FXYD3: variants seen among roughly 807,000 people sequenced by gnomAD.
FXYD3 encodes the protein FXYD domain-containing ion transport regulator 3.
In FXYD3, 13 loss-of-function variants were observed where a neutral mutation model predicts 19.2. The ratio of observed to expected loss-of-function variants is 0.68; its 90% CI spans 0.44 to 1.08. The LOEUF (loss-of-function observed/expected upper bound fraction) is 1.08, where lower values mean the gene tolerates loss of function less well. Ranked by LOEUF, FXYD3 falls within the 50% of genes least tolerant of loss-of-function variation. The probability of loss-of-function intolerance (pLI) is 0.00; values close to 1 mark genes in which losing one functional copy is unlikely to be tolerated. For missense variants in FXYD3, 101 were observed against 109.4 expected, an observed-to-expected ratio of 0.92 and a Z score of 0.34; for synonymous variants, 48 against 38.9, an observed-to-expected ratio of 1.23 and a Z score of -0.87.
intron 2 of FXYD3, among the ~76,000 whole-genome samples, chr19:35,118,936 A>T (rs2064967701): frequency 1.3e-5 from 2 of 152,164 alleles, no homozygotes. Context: ...CGCTTCCCCA[A>T]ACACCCCAAG....
chr19:35,122,600 T>C lies in FXYD3; in HGVS notation c.98-165T>C. 6 of 626,490 alleles carry C rather than the reference T, an allele frequency of 9.6e-6. No homozygotes were observed. The South Asian group carries it at 1.1e-4, about 12-fold the overall frequency. 38.8% of individuals were successfully genotyped at this position (626,490 alleles called of 1,614,324 possible). On this transcript the variant is annotated intron_variant, in intron 5 of 8. Transcript: ENST00000604404. ...CTGCACGACAGATCGTGTTTGCTGG[T>C]GTGTGAACCAGAATGTGAGCACCTG...
chr19:35,120,296 T>C (rs1239556568), intron 3 of FXYD3, among the ~76,000 whole-genome samples: 2 of 152,152 alleles, frequency 1.3e-5, no homozygotes, highest in Non-Finnish European at 2.9e-5. Flanking sequence ...TGTGCTGCCA[T>C]GCCTGGCTAA....
At position 35,116,938 on chromosome 19, in the gene FXYD3, C is replaced by A. The variant is rs879672589; in HGVS notation, c.-15+579C>A. ...CTTGGGAGATTTCAGGAGCACACAG[C>A]GGGCAGGATCTTTCTACCCACCCCT... On this transcript the variant is annotated intron_variant, in intron 2 of 8. Coordinates refer to ENST00000604404, the MANE Select transcript of FXYD3 (RefSeq NM_005971.4). The A allele has an allele frequency of 1.3e-5, 13 of 984,928 alleles. No homozygotes were observed. In the African/African-American group the frequency reaches 2.1e-4, roughly 16 times the overall value. 61.0% of individuals were successfully genotyped at this position (984,928 alleles called of 1,614,324 possible). A position where few individuals can be genotyped will look rare whatever the true frequency, so the allele number is the denominator to read the frequency against.
At position 35,123,976 on chromosome 19, in the gene FXYD3, G is replaced by A. The variant is rs941591329; in HGVS notation, c.*519G>A. On this transcript the variant is annotated 3_prime_UTR_variant, in exon 9 of 9. Coordinates refer to ENST00000604404, the MANE Select transcript of FXYD3 (RefSeq NM_005971.4). ...CTGGGACATAGGATCGTCCCGCTAT[G>A]ATGGAAGTGTTCAGACAGTTTATAA... The A allele has an allele frequency of 5.9e-6, 1 of 168,454 alleles. No individual in the cohort carries two copies. Among genetic ancestry groups the A allele is most frequent in the African/African-American group, 2.4e-5 (1 of 41,874 alleles). 10.4% of individuals were successfully genotyped at this position (168,454 alleles called of 1,614,324 possible).
chr19:35,123,495 C>A lies in FXYD3; in HGVS notation c.*38C>A. ...AGCTGAAATTGGGTGGAGGACCGTT[C>A]TCTGTCCCCAGGTCCTGTCTCTGCA... On this transcript the variant is annotated 3_prime_UTR_variant, in exon 9 of 9. Transcript: ENST00000604404. 1 of 1,611,586 alleles carries A rather than the reference C, an allele frequency of 6.2e-7. No individual in the cohort carries two copies. Among genetic ancestry groups the A allele is most frequent in the Non-Finnish European group, 8.5e-7 (1 of 1,177,676 alleles).
rs558437622 is a variant in FXYD3, at chr19:35,117,666, C to T, written c.-15+1307C>T. 1.2e-3 allele frequency among the ~76,000 whole-genome samples: 187 copies of T among 150,014 alleles called. 2 individuals carry two copies. The highest frequency in any genetic ancestry group is 3.9e-3 in the African/African-American group (160 of 40,840). On this transcript the variant is annotated intron_variant, in intron 2 of 8. Transcript: ENST00000604404. ...ACATGCCATCCTGCCCACCCACCCA[C>T]GCCAGCTCCCCCAACCCCCAACACT...
At chr19:35,119,908 G>A (rs141045432) in intron 3 of FXYD3, 6 of 162,084 alleles carry the variant, frequency 3.7e-5, no homozygotes, top group Non-Finnish European at 8.0e-5. Context: ...GGCTGAGTTT[G>A]ATCCTCCCAC....
In FXYD3 at chr19:35,123,642, T is replaced by C; in HGVS notation, c.*185T>C. The C allele has an allele frequency of 1.6e-6, 1 of 643,548 alleles. No homozygotes were observed. Among genetic ancestry groups the C allele is most frequent in the Non-Finnish European group, 2.7e-6 (1 of 369,684 alleles). The allele number at this position is 643,548 out of a possible 1,614,324, so 39.9% of individuals were successfully genotyped here. A position where few individuals can be genotyped will look rare whatever the true frequency, so the allele number is the denominator to read the frequency against. On this transcript the variant is annotated 3_prime_UTR_variant, in exon 9 of 9. Transcript: ENST00000604404. ...TTCAATTTTTTTTAATCTAAAATGA[T>C]TGTGCCTCTGCCCAAGCAGCCTGGA...
intron 5 of FXYD3, chr19:35,121,532 G>C: frequency 7.1e-7 from 1 of 1,415,224 alleles, no homozygotes; most frequent in East Asian, 2.6e-5. Flanking sequence ...GTGTTGACTT[G>C]AGAAAACTTC....
chr19:35,123,214 C>A (rs2065088351), intron 7 of FXYD3, 57 bp from the exon 8 acceptor site: 1 of 1,542,248 alleles, frequency 6.5e-7, no homozygotes, highest in Non-Finnish European at 8.7e-7. Flanking sequence ...AACCCTCTAT[C>A]CGGAGGGAGA....
intron 3 of FXYD3, chr19:35,119,668 T>C (rs1195346274): frequency 9.1e-6 from 4 of 439,640 alleles, no homozygotes; most frequent in Non-Finnish European, 1.2e-5. Flanking sequence ...TTTTTGTTTT[T>C]GTTTTTGTTT....
intron 2 of FXYD3, 49 bp from the exon 3 acceptor site, chr19:35,119,314 C>CCTG: frequency 6.2e-7 from 1 of 1,609,402 alleles, no homozygotes; most frequent in Non-Finnish European, 8.5e-7. Context: ...GGCACAGGGC[C>CCTG]AGCCTCCCGG....
rs751966616 is a variant in FXYD3, at chr19:35,119,350, G to T, written c.-14-13G>T. The stretch of plus-strand genomic sequence containing the variant: ...TGGCTCTGCTAAGGCCAGACCTCCC[G>T]CCACCCCTCTAGGCCAGCGCTCTGA... On this transcript the variant is annotated splice_polypyrimidine_tract_variant and intron_variant, in intron 2 of 8. Transcript: ENST00000604404. The T allele has an allele frequency of 5.0e-6, 8 of 1,613,972 alleles. No homozygotes were observed. The highest frequency in any genetic ancestry group is 5.1e-6 in the Non-Finnish European group (6 of 1,179,870).
rs73927930 is a variant in FXYD3, at chr19:35,123,562, G to A, written c.*105G>A. 4,672 of 1,226,906 alleles carry A rather than the reference G, an allele frequency of 3.8e-3. 133 individuals are homozygous for A. The African/African-American group carries it at 0.062, about 16-fold the overall frequency. The allele number at this position is 1,226,906 out of a possible 1,614,324, so 76.0% of individuals were successfully genotyped here. A position where few individuals can be genotyped will look rare whatever the true frequency, so the allele number is the denominator to read the frequency against. On this transcript the variant is annotated 3_prime_UTR_variant, in exon 9 of 9. Coordinates refer to ENST00000604404, the MANE Select transcript of FXYD3 (RefSeq NM_005971.4). ...AGGATGGAATTCTTCCTCCTCTGCT[G>A]GGACTCCTTTGCATGGCAGGGCCTC...
chr19:35,123,447 C>A lies in FXYD3; in HGVS notation c.254C>A (p.Ala85Asp), dbSNP rs763479134. ...ETPPLITPGS[A>D]QS The stretch of plus-strand genomic sequence containing the variant: ...ACCCCATCACTTCCCGCAGGCTCAG[C>A]CCAAAGCTGATGAGGACAGACCAGC... Residue 85 changes from alanine (A) to aspartate (D), a missense_variant, in exon 9 of 9, where the codon GCC becomes GAC. Physicochemically the swap from Ala to Asp is moderately radical, Grantham distance 126 (BLOSUM62 -2). Transcript: ENST00000604404. 2 of 1,614,112 alleles carry A rather than the reference C, an allele frequency of 1.2e-6. No homozygotes were observed. Among genetic ancestry groups the A allele is most frequent in the South Asian group, 2.2e-5 (2 of 91,078 alleles).
At position 35,116,247 on chromosome 19, in the gene FXYD3, G is replaced by GT; in HGVS notation, c.-110-13dup. Reference sequence around the variant, plus strand: ...CCCTGGGCCTCAGGGCATCTGACTTGTTTTCTACCTGCCCAGGTTTGCTTA... The same window carrying GT: ...CCCTGGGCCTCAGGGCATCTGACTTGTTTTTCTACCTGCCCAGGTTTGCTTA... On this transcript the variant is annotated splice_polypyrimidine_tract_variant and intron_variant, in intron 1 of 8. Transcript: ENST00000604404. 5 of 985,430 alleles carry GT rather than the reference G, an allele frequency of 5.1e-6. No individual in the cohort carries two copies. Among genetic ancestry groups the GT allele is most frequent in the Non-Finnish European group, 6.0e-6 (5 of 829,944 alleles). The allele number at this position is 985,430 out of a possible 1,614,324, so 61.0% of individuals were successfully genotyped here.
chr19:35,121,013 C>T, intron 3 of FXYD3, 65 bp from the exon 4 acceptor site: 1 of 1,596,656 alleles, frequency 6.3e-7, no homozygotes, highest in Middle Eastern at 2.3e-4. Context: ...CTCCCCAGGC[C>T]CTGCCCAAAG....
Position 35,116,287 on chromosome 19 carries a change from C to G in FXYD3, c.-87C>G. Reference sequence around the variant, plus strand: ...AGGTTTGCTTAGGGCGTGGCAGCTTCGGATAAACGCAGGACTCCGCCTGGC... The same window carrying G: ...AGGTTTGCTTAGGGCGTGGCAGCTTGGGATAAACGCAGGACTCCGCCTGGC... On this transcript the variant is annotated 5_prime_UTR_variant, in exon 2 of 9. Coordinates refer to ENST00000604404, the MANE Select transcript of FXYD3 (RefSeq NM_005971.4). The G allele has an allele frequency of 5.1e-6, 5 of 985,446 alleles. No homozygotes were observed. The highest frequency in any genetic ancestry group is 6.0e-6 in the Non-Finnish European group (5 of 829,968). 61.0% of individuals were successfully genotyped at this position (985,446 alleles called of 1,614,324 possible). A position where few individuals can be genotyped will look rare whatever the true frequency, so the allele number is the denominator to read the frequency against.
intron 5 of FXYD3, chr19:35,121,607 C>G (rs1333389345): frequency 4.9e-6 from 6 of 1,213,694 alleles, no homozygotes; most frequent in African/African-American, 4.6e-5. Flanking sequence ...GACCTGCTCC[C>G]TACTCCCCGC....
Sources: allele counts gnomAD v4.1 joint callset (sites outside exome capture counted in the v4.1 genomes callset), GRCh38; gene constraint gnomAD v4.1.1; transcripts MANE v1.5; gene names NCBI Gene and HGNC (gene_info 2026-07-23, HGNC 2026-07-21).